Variants in MGAM2 observed in about 807,000 individuals in gnomAD.
The protein encoded by MGAM2 is maltase-glucoamylase 2 (putative).
Under a neutral mutation model 96.1 loss-of-function variants are expected in MGAM2, and 98 were observed. That is an observed-to-expected ratio of 1.02 (90% CI 0.87 to 1.21). MGAM2 has a LOEUF of 1.21. Among genes scored for constraint, MGAM2 ranks in the 50% most tolerant of loss-of-function variants. The pLI, the probability that MGAM2 is intolerant of heterozygous loss-of-function variation, is 0.00. For synonymous variants in MGAM2, 749 were observed against 414.8 expected, an observed-to-expected ratio of 1.81 and a Z score of -9.79; for missense variants, 2,055 against 1,182.4, an observed-to-expected ratio of 1.74 and a Z score of -10.82.
At chr7:142,167,852 A>G (rs929959016) in intron 26 of MGAM2, among the ~76,000 whole-genome samples, 2 of 152,104 alleles carry the variant, frequency 1.3e-5, no homozygotes, top group African/African-American at 2.4e-5. Flanking sequence ...GGTTACAGGC[A>G]TGAGCCACTG....
At chr7:142,111,998 C>CCTG (rs144498242) in intron 1 of MGAM2, among the ~76,000 whole-genome samples, 191 bp downstream of exon 1, 6 of 133,598 alleles carry the variant, frequency 4.5e-5, no homozygotes, top group African/African-American at 1.7e-4. Flanking sequence ...AGAGGAGAGA[C>CCTG]TGTGTGTGTG....
At chr7:142,214,466 G>C (rs964584053) in intron 46 of MGAM2, among the ~76,000 whole-genome samples, 1 of 152,062 alleles carries the variant, frequency 6.6e-6, no homozygotes, top group African/African-American at 2.4e-5. Flanking sequence ...AAAGTCTCAG[G>C]ATACAAAATC....
chr7:142,210,461 C>T (rs1797543572), intron 46 of MGAM2, among the ~76,000 whole-genome samples: 1 of 152,178 alleles, frequency 6.6e-6, no homozygotes, highest in Non-Finnish European at 1.5e-5. Flanking sequence ...GCCGCCAGCA[C>T]AGCTGTCTGA....
At chr7:142,217,434 A>C (rs1362549807) in intron 46 of MGAM2, among the ~76,000 whole-genome samples, 4 of 152,244 alleles carry the variant, frequency 2.6e-5, no homozygotes, top group Non-Finnish European at 5.9e-5. Context: ...TATCTCTAAG[A>C]TAGCAATAAT....
At chr7:142,143,656 A>C (rs917934251) in intron 12 of MGAM2, 113 bp from the exon 13 acceptor site, 9 of 454,330 alleles carry the variant, frequency 2.0e-5, no homozygotes, top group African/African-American at 1.8e-4. Context: ...GTAGTCACAC[A>C]TTTTATTTCT....
At chr7:142,209,927 C>T (rs1797525779) in intron 46 of MGAM2, among the ~76,000 whole-genome samples, 1 of 152,144 alleles carries the variant, frequency 6.6e-6, no homozygotes, top group African/African-American at 2.4e-5. Context: ...GCAAGATGGC[C>T]AAATAGGAAC....
At chr7:142,126,338 T>C (rs961848094) in intron 3 of MGAM2, among the ~76,000 whole-genome samples, 7 of 152,106 alleles carry the variant, frequency 4.6e-5, no homozygotes, top group African/African-American at 1.7e-4. Context: ...TTTTATTTAC[T>C]TGTTTATTTG....
rs370452030 is a variant in MGAM2 at position 142,199,860 on chromosome 7, CTTT to C, written c.5049-8_5049-6del. On this transcript the variant is annotated splice_polypyrimidine_tract_variant and intron_variant, in intron 44 of 47. Coordinates refer to ENST00000477922, the MANE Select transcript of MGAM2 (RefSeq NM_001293626.2). ...ACCTACAATCTAGAGAAAAATAACT[CTTT>C]TTTTTTTTTTTGGTAGTCGACAAAA... 249 of 588,374 alleles carry C rather than the reference CTTT, an allele frequency of 4.2e-4. No homozygotes were observed. Among genetic ancestry groups the C allele is most frequent in the South Asian group, 1.2e-3 (61 of 50,382 alleles). 36.4% of individuals were successfully genotyped at this position (588,374 alleles called of 1,614,324 possible).
intron 27 of MGAM2, 76 bp downstream of exon 27, chr7:142,170,305 A>G: frequency 1.7e-6 from 1 of 602,948 alleles, no homozygotes; most frequent in Non-Finnish European, 3.0e-6. Context: ...TTCAAGTGAA[A>G]TATTAATCTC....
intron 32 of MGAM2, among the ~76,000 whole-genome samples, chr7:142,177,141 G>A (rs529062531): frequency 7.2e-5 from 11 of 152,240 alleles, no homozygotes; most frequent in African/African-American, 2.6e-4. Flanking sequence ...TTGAGATTGG[G>A]CAATTTACAA....
At chr7:142,159,487 T>C in intron 20 of MGAM2, 144 bp downstream of exon 20, 1 of 608,308 alleles carries the variant, frequency 1.6e-6, no homozygotes, top group Non-Finnish European at 3.0e-6. Flanking sequence ...GAGAAAGGCA[T>C]CTTAGTTGGT....
intron 45 of MGAM2, among the ~76,000 whole-genome samples, chr7:142,204,776 A>G (rs1461573280): frequency 6.6e-6 from 1 of 152,074 alleles, no homozygotes; most frequent in Non-Finnish European, 1.5e-5. Context: ...ATGAAAACAA[A>G]ATGAAAATAA....
chr7:142,207,074 G>T (rs1436023039), intron 45 of MGAM2, among the ~76,000 whole-genome samples: 1 of 152,220 alleles, frequency 6.6e-6, no homozygotes, highest in Non-Finnish European at 1.5e-5. Context: ...GTTTGGGAGA[G>T]AATATGTTGG....
At chr7:142,117,929 C>T (rs1194497066) in intron 2 of MGAM2, among the ~76,000 whole-genome samples, 1 of 147,860 alleles carries the variant, frequency 6.8e-6, no homozygotes, top group African/African-American at 2.6e-5. Flanking sequence ...CTGCTTTCAA[C>T]TGTTTTTTTT....
chr7:142,193,870 C>T (rs181474128), intron 37 of MGAM2, among the ~76,000 whole-genome samples: 66 of 152,206 alleles, frequency 4.3e-4, no homozygotes, highest in African/African-American at 1.6e-3. Flanking sequence ...CAGATGGCCC[C>T]CAAATCTTTG....
chr7:142,199,922 T>C lies in MGAM2; in HGVS notation c.5091T>C (p.Asn1697=). 1.4e-6 allele frequency: 1 copy of C among 693,116 alleles called. No individual in the cohort carries two copies. The highest frequency in any genetic ancestry group is 2.6e-6 in the Non-Finnish European group (1 of 380,718). The allele number at this position is 693,116 out of a possible 1,614,324, so 42.9% of individuals were successfully genotyped here. A position where few individuals can be genotyped will look rare whatever the true frequency, so the allele number is the denominator to read the frequency against. ...FMGLIVALDD[N]GTAEGQVFWD... ...GATTGATTGTTGCTTTGGATGACAATGGGACAGCTGAAGGCCAGGTGTTCT... is the reference window on the plus strand; with the variant it reads ...GATTGATTGTTGCTTTGGATGACAACGGGACAGCTGAAGGCCAGGTGTTCT... The change falls in exon 45 of 48, where the codon AAT becomes AAC. Residue 1697 remains asparagine, a synonymous_variant. Coordinates refer to ENST00000477922, the MANE Select transcript of MGAM2 (RefSeq NM_001293626.2).
intron 3 of MGAM2, among the ~76,000 whole-genome samples, chr7:142,129,857 A>AAAAAAAAAAAAAAAAAAAAC (rs1794835775): frequency 7.3e-6 from 1 of 136,788 alleles, no homozygotes; most frequent in Non-Finnish European, 1.6e-5. Flanking sequence ...AAAAAAAAAA[A>AAAAAAAAAAAAAAAAAAAAC]AAAAAAAAGA....
intron 15 of MGAM2, among the ~76,000 whole-genome samples, chr7:142,147,986 TA>T (rs1319127100): frequency 6.6e-6 from 1 of 152,176 alleles, no homozygotes; most frequent in Admixed American, 6.5e-5. Flanking sequence ...AATTTGAATT[TA>T]CCTGTATTTC....
intron 17 of MGAM2, among the ~76,000 whole-genome samples, chr7:142,156,425 A>T (rs1248163416): frequency 6.6e-6 from 1 of 152,224 alleles, no homozygotes; most frequent in Admixed American, 6.5e-5. Flanking sequence ...ATGCAATTCT[A>T]CCAAAGCAAT....
Sources: allele counts gnomAD v4.1 joint callset (sites outside exome capture counted in the v4.1 genomes callset), GRCh38; gene constraint gnomAD v4.1.1; transcripts MANE v1.5; gene names NCBI Gene and HGNC (gene_info 2026-07-23, HGNC 2026-07-21).